The following DTWD2 variants were observed in gnomAD, a reference collection of about 807,000 sequenced individuals.
DTWD2 encodes tRNA-uridine aminocarboxypropyltransferase 2.
In DTWD2, 39 loss-of-function variants were observed where a neutral mutation model predicts 31.8. That is an observed-to-expected ratio of 1.22 (90% CI 0.95 to 1.60). DTWD2 has a LOEUF of 1.60. DTWD2 is among the 40% of genes most tolerant of loss of function. The pLI, the probability that DTWD2 is intolerant of heterozygous loss-of-function variation, is 0.00. For missense variants in DTWD2, 515 were observed against 381.5 expected (o/e 1.35, Z -2.92); for synonymous variants, 180 against 142.8 (o/e 1.26, Z -1.86).
chr5:118,884,229 TC>T (rs774076711), intron 4 of DTWD2, among the ~76,000 whole-genome samples: 5 of 152,190 alleles, frequency 3.3e-5, no homozygotes, highest in Non-Finnish European at 5.9e-5. Flanking sequence ...TACATGTAGT[TC>T]CTTTTGTATG....
intron 4 of DTWD2, among the ~76,000 whole-genome samples, chr5:118,917,320 A>T (rs1753599946): frequency 6.6e-6 from 1 of 152,224 alleles, no homozygotes; most frequent in African/African-American, 2.4e-5. Context: ...ACAGGTGATG[A>T]GGGTCCCTTT....
chr5:118,939,249 G>A lies in DTWD2; in HGVS notation c.351C>T (p.Cys117=), dbSNP rs928421552. ...TCACTTTACACTTGTCCTGGGGGAG[G>A]CATGCTGCTAGTAGAGGAACTGTAC... ...VLRTVPLLAA[C]LPQDKCKVKI... is the part of the protein sequence containing the mutation. The change falls in exon 3 of 6, where the codon TGC becomes TGT. Residue 117 remains cysteine, a synonymous_variant. Transcript: ENST00000510708. 6.2e-7 allele frequency: 1 copy of A among 1,600,182 alleles called. No homozygotes were observed. The highest frequency in any genetic ancestry group is 1.7e-5 in the Admixed American group (1 of 58,122).
At chr5:118,950,213 C>CAA (rs764214153) in intron 1 of DTWD2, among the ~76,000 whole-genome samples, 775 of 49,302 alleles carry the variant, frequency 0.016, 13 homozygotes, top group Middle Eastern at 0.045. Flanking sequence ...ACTCCATCTC[C>CAA]AAAAAAAAAA....
intron 4 of DTWD2, among the ~76,000 whole-genome samples, chr5:118,905,402 T>C (rs931760246): frequency 6.6e-6 from 1 of 152,050 alleles, no homozygotes; most frequent in Non-Finnish European, 1.5e-5. Context: ...GCGTATAACA[T>C]TCTGAGTAAG....
rs561808174 is a variant in DTWD2 at position 118,874,714 on chromosome 5, A to G, written c.598-26496T>C. On this transcript the variant is annotated intron_variant, in intron 4 of 5. Coordinates refer to ENST00000510708, the MANE Select transcript of DTWD2 (RefSeq NM_173666.4). Reference sequence around the variant, plus strand: ...ACCGCCAAAAAATATGGGATTACAAAAAGAGAACAAATCTATGACTGATTG... The same window carrying G: ...ACCGCCAAAAAATATGGGATTACAAGAAGAGAACAAATCTATGACTGATTG... 3.9e-5 allele frequency among the ~76,000 whole-genome samples: 6 copies of G among 152,330 alleles called. No individual in the cohort carries two copies. In the South Asian group the frequency reaches 1.2e-3, roughly 32 times the overall value.
intron 4 of DTWD2, among the ~76,000 whole-genome samples, chr5:118,918,276 T>C (rs1317634545): frequency 6.6e-6 from 1 of 152,082 alleles, no homozygotes; most frequent in Non-Finnish European, 1.5e-5. Context: ...GTAAGAAACA[T>C]CAAATGGACA....
chr5:118,915,566 G>A (rs1753556218), intron 4 of DTWD2, among the ~76,000 whole-genome samples: 1 of 152,108 alleles, frequency 6.6e-6, no homozygotes, highest in Admixed American at 6.5e-5. Context: ...AGTAGAGATG[G>A]GGTTTCACCA....
At chr5:118,859,544 T>C (rs574638734) in intron 4 of DTWD2, among the ~76,000 whole-genome samples, 5 of 152,344 alleles carry the variant, frequency 3.3e-5, no homozygotes, top group Non-Finnish European at 5.9e-5. Context: ...CTGCAGCCTT[T>C]TGCTATAATA....
intron 4 of DTWD2, among the ~76,000 whole-genome samples, chr5:118,852,615 T>C (rs1388797227): frequency 2.0e-5 from 3 of 152,214 alleles, no homozygotes; most frequent in Non-Finnish European, 4.4e-5. Context: ...TATACACTGC[T>C]TGTGGGAATG....
intron 4 of DTWD2, among the ~76,000 whole-genome samples, chr5:118,882,800 C>T (rs1020932747): frequency 2.0e-5 from 3 of 152,220 alleles, no homozygotes; most frequent in Admixed American, 2.0e-4. Flanking sequence ...GCAGCAGGGC[C>T]CTGGGGCCAG....
rs1055249925 is a variant in DTWD2, at chr5:118,935,884, C to T, written c.404+3312G>A. 2.0e-5 allele frequency among the ~76,000 whole-genome samples: 3 copies of T among 152,144 alleles called. No homozygotes were observed. In the East Asian group the frequency reaches 5.8e-4, roughly 29 times the overall value. Reference sequence around the variant, plus strand: ...CAGAAGATTTGAATAACACTATCAACCATCTTGACCTAATTGATAGTTTGT... The same window carrying T: ...CAGAAGATTTGAATAACACTATCAATCATCTTGACCTAATTGATAGTTTGT... On this transcript the variant is annotated intron_variant, in intron 3 of 5. Coordinates refer to ENST00000510708, the MANE Select transcript of DTWD2 (RefSeq NM_173666.4).
intron 2 of DTWD2, among the ~76,000 whole-genome samples, chr5:118,941,167 CTTTT>C (rs1341521604): frequency 6.6e-6 from 1 of 151,506 alleles, no homozygotes; most frequent in Admixed American, 6.6e-5. Context: ...ATCCTTTTTT[CTTTT>C]TATTATATAT....
rs554397438 is a variant in DTWD2, at chr5:118,836,395, C to T, written c.*4522G>A. Among the ~76,000 whole-genome samples the T allele has an allele frequency of 7.4e-3, 1,133 of 152,166 alleles. 11 individuals carry two copies. The highest frequency in any genetic ancestry group is 0.014 in the Non-Finnish European group (919 of 67,996). On this transcript the variant is annotated 3_prime_UTR_variant, in exon 6 of 6. Transcript: ENST00000510708. ...CTGGGATTACAGGTGCCTGCCACTA[C>T]GCCTGGCTAATTTTTGTATTTTTAG...
intron 4 of DTWD2, among the ~76,000 whole-genome samples, chr5:118,912,861 GATTA>G (rs1753489122): frequency 6.6e-6 from 1 of 152,126 alleles, no homozygotes; most frequent in South Asian, 2.1e-4. Context: ...TAAATGTATG[GATTA>G]ATCAGTGAAT....
At chr5:118,939,411 G>T in intron 2 of DTWD2, 121 bp from the exon 3 acceptor site, 1 of 841,544 alleles carries the variant, frequency 1.2e-6, no homozygotes. Flanking sequence ...TTTTACTAAA[G>T]ACCACAGTTT....
chr5:118,911,120 G>T (rs1753449341), intron 4 of DTWD2, among the ~76,000 whole-genome samples: 1 of 152,096 alleles, frequency 6.6e-6, no homozygotes, highest in African/African-American at 2.4e-5. Flanking sequence ...TAACTCAATA[G>T]CAAAAACTCA....
intron 4 of DTWD2, among the ~76,000 whole-genome samples, chr5:118,878,889 G>C (rs1561438062): frequency 6.6e-6 from 1 of 152,136 alleles, no homozygotes; most frequent in Non-Finnish European, 1.5e-5. Context: ...ATGAAAGAAA[G>C]CTCAATATCA....
intron 4 of DTWD2, among the ~76,000 whole-genome samples, chr5:118,926,590 C>A (rs1753813415): frequency 1.3e-5 from 2 of 152,122 alleles, no homozygotes; most frequent in African/African-American, 4.8e-5. Flanking sequence ...GAAATCAAAA[C>A]AACTTATATC....
intron 4 of DTWD2, among the ~76,000 whole-genome samples, chr5:118,863,305 C>T (rs1226693089): frequency 6.6e-6 from 1 of 152,172 alleles, no homozygotes; most frequent in African/African-American, 2.4e-5. Flanking sequence ...ATCAAGTATG[C>T]ATATATTATA....
Sources: gnomAD v4.1 joint callset for allele counts (sites outside exome capture counted in the v4.1 genomes callset) on GRCh38, gnomAD v4.1.1 for gene constraint, MANE v1.5 for transcripts, NCBI Gene and HGNC (gene_info 2026-07-23, HGNC 2026-07-21) for gene names.